MYH13: variants seen among roughly 807,000 people sequenced by gnomAD.
MYH13 encodes the protein myosin-13.
In MYH13, 177 loss-of-function variants were observed where a neutral mutation model predicts 232.1. The ratio of observed to expected loss-of-function variants is 0.76; its 90% confidence interval spans 0.67 to 0.86. The LOEUF (loss-of-function observed/expected upper bound fraction) is 0.86, where lower values mean the gene tolerates loss of function less well. MYH13 is among the 40% of genes least tolerant of loss of function. The pLI is 0.00. For missense variants in MYH13, 2,246 were observed against 2,405.9 expected, an observed-to-expected ratio of 0.93 and a Z score of 1.39; for synonymous variants, 884 against 923.5, an observed-to-expected ratio of 0.96 and a Z score of 0.78.
chr17:10,301,186 C>T (rs1222840345), intron 40 of MYH13, among the ~76,000 whole-genome samples: 2 of 152,178 alleles, frequency 1.3e-5, no homozygotes, highest in Admixed American at 6.5e-5. Context: ...TCTGTAGCAA[C>T]AGGGACAGAC....
Position 10,303,130 on chromosome 17 carries a change from G to A in MYH13, c.5667+66C>T, listed in dbSNP as rs1001862159. On this transcript the variant is annotated intron_variant, in intron 39 of 40. Coordinates refer to ENST00000252172, the MANE Select transcript of MYH13 (RefSeq NM_003802.3). ...AGGGGACTTTACCAACCAGGATGGC[G>A]GGGACACCCAGGATGCCCCAGGGAC... The A allele has an allele frequency of 4.8e-5, 68 of 1,424,338 alleles. 1 individual carries two copies. The highest frequency in any genetic ancestry group is 2.4e-4 in the South Asian group (20 of 83,792). The allele number at this position is 1,424,338 out of a possible 1,614,324, so 88.2% of individuals were successfully genotyped here.
chr17:10,366,542 G>A (rs1050037625), intron 2 of MYH13, among the ~76,000 whole-genome samples: 2 of 151,610 alleles, frequency 1.3e-5, no homozygotes, highest in Admixed American at 6.6e-5. Context: ...CACCACACCC[G>A]GCTAATTTTT....
rs796765349 is a variant in MYH13 at position 10,351,234 on chromosome 17, A to AAAAAAAAAAAAAAAAAAAG, written c.1006-541_1006-540insCTTTTTTTTTTTTTTTTTT. Among the ~76,000 whole-genome samples the AAAAAAAAAAAAAAAAAAAG allele has an allele frequency of 4.7e-5, 7 of 150,288 alleles. No homozygotes were observed. The East Asian group carries it at 6.0e-4, about 13-fold the overall frequency. On this transcript the variant is annotated intron_variant, in intron 11 of 40. Transcript: ENST00000252172. ...AGACTCCATCTCAAAAAAAAAAAAA[A>AAAAAAAAAAAAAAAAAAAG]AGAGAACTGATTATGATCTTTTCTC...
intron 24 of MYH13, 133 bp downstream of exon 24, chr17:10,321,399 G>A: frequency 1.2e-6 from 1 of 858,538 alleles, no homozygotes; most frequent in Non-Finnish European, 1.7e-6. Flanking sequence ...GGGTCAGGGT[G>A]GGGCTGAGAT....
intron 23 of MYH13, among the ~76,000 whole-genome samples, chr17:10,322,171 T>C (rs558437109): frequency 3.3e-5 from 5 of 151,902 alleles, no homozygotes; most frequent in Admixed American, 6.6e-5. Context: ...GGCGGACGGA[T>C]CATGAGGTCA....
intron 27 of MYH13, among the ~76,000 whole-genome samples, 157 bp from the exon 28 acceptor site, chr17:10,316,182 C>T (rs1906705256): frequency 6.6e-6 from 1 of 152,140 alleles, no homozygotes; most frequent in Non-Finnish European, 1.5e-5. Flanking sequence ...CATAATCGGC[C>T]AGGCGCAGTG....
rs61543278 is a variant in MYH13, at chr17:10,326,981, G to GTTTTTTTTTTTTTTTTTTTTTTTTTTT, written c.2691+858_2691+884dup. ...GAGACATGCACCACCATGCCTACTAGTTTTTTTTTTTTTTTTTTTTTTTTT... is the reference window on the plus strand; with the variant it reads ...GAGACATGCACCACCATGCCTACTAGTTTTTTTTTTTTTTTTTTTTTTTTTTTTTTTTTTTTTTTTTTTTTTTTTTTT... On this transcript the variant is annotated intron_variant, in intron 22 of 40. Transcript: ENST00000252172. Among the ~76,000 whole-genome samples the GTTTTTTTTTTTTTTTTTTTTTTTTTTT allele has an allele frequency of 3.6e-5, 2 of 55,810 alleles. 1 individual carries two copies. Among genetic ancestry groups the GTTTTTTTTTTTTTTTTTTTTTTTTTTT allele is most frequent in the African/African-American group, 1.6e-4 (2 of 12,822 alleles). The allele number at this position is 55,810 out of a possible 152,430, so 36.6% of individuals were successfully genotyped here.
Position 10,358,615 on chromosome 17 carries a change from G to C in MYH13, c.646-788C>G, listed in dbSNP as rs539456678. On this transcript the variant is annotated intron_variant, in intron 7 of 40. Transcript: ENST00000252172. ...TCTACAAAAAATTAAAAAAAAACTA[G>C]CCAGGCATGGTGGTTCCTGTAGTCT... 1.1e-4 allele frequency among the ~76,000 whole-genome samples: 16 copies of C among 152,128 alleles called. No individual in the cohort carries two copies. In the South Asian group the frequency reaches 3.3e-3, roughly 32 times the overall value.
Position 10,369,760 on chromosome 17 carries a change from A to G in MYH13, c.-13+1449T>C, listed in dbSNP as rs368065005. On this transcript the variant is annotated intron_variant, in intron 2 of 40. Transcript: ENST00000252172. ...AGTATCTCCTAGTAGTATTACCTAG[A>G]TGATGTTTGAGTTATCCCTCCATAT... Among the ~76,000 whole-genome samples, 5 of 152,218 alleles carry G rather than the reference A, an allele frequency of 3.3e-5. No individual in the cohort carries two copies. The South Asian group carries it at 1.0e-3, about 32-fold the overall frequency.
chr17:10,332,045 A>G, intron 20 of MYH13, 54 bp downstream of exon 20: 1 of 1,597,626 alleles, frequency 6.3e-7, no homozygotes, highest in Non-Finnish European at 8.6e-7. Context: ...TCAGCTAAGA[A>G]GCAGCCCAGG....
At position 10,318,785 on chromosome 17, in the gene MYH13, G is replaced by T; in HGVS notation, c.3738+5C>A. ...TCTCCAAGAGCAGAAGGGCCAGTCA[G>T]GTACCTTTGACTTGGAGAGAGCCTC... On this transcript the variant is annotated splice_donor_5th_base_variant and intron_variant, in intron 27 of 40. Transcript: ENST00000252172. 1 of 1,613,962 alleles carries T rather than the reference G, an allele frequency of 6.2e-7. No individual in the cohort carries two copies. Among genetic ancestry groups the T allele is most frequent in the South Asian group, 1.1e-5 (1 of 91,070 alleles).
At position 10,332,219 on chromosome 17, in the gene MYH13, G is replaced by T. The variant is rs1185269713; in HGVS notation, c.2178C>A (p.Tyr726Ter). 3.1e-6 allele frequency: 5 copies of T among 1,613,664 alleles called. No homozygotes were observed. Among genetic ancestry groups the T allele is most frequent in the Non-Finnish European group, 4.2e-6 (5 of 1,179,748 alleles). Residue 726 changes from tyrosine (Y) to a stop codon, truncating the protein, a stop_gained, in exon 20 of 41, where the codon TAC becomes TAA. Coordinates refer to ENST00000252172, the MANE Select transcript of MYH13 (RefSeq NM_003802.3). LOFTEE classifies it high-confidence loss of function. ...GGATAGCACTGGCATTGAGGATCCG[G>T]TACCTAAGGAGAGAGGACATTTCCC... is the stretch of plus-strand genomic sequence containing the variant. ...RILYADFKQR[Y>*]RILNASAIPE...
chr17:10,305,455 TA>T (rs534874454), intron 37 of MYH13, among the ~76,000 whole-genome samples: 3 of 152,194 alleles, frequency 2.0e-5, no homozygotes, highest in Non-Finnish European at 2.9e-5. Context: ...AGCACCTCCC[TA>T]AAAAAAATCC....
At chr17:10,364,943 T>C (rs1477408921) in intron 2 of MYH13, among the ~76,000 whole-genome samples, 1 of 152,060 alleles carries the variant, frequency 6.6e-6, no homozygotes, top group Non-Finnish European at 1.5e-5. Context: ...TGGCTCGATC[T>C]CGGCTCTGCA....
At chr17:10,337,891 A>C (rs916921518) in intron 18 of MYH13, among the ~76,000 whole-genome samples, 1 of 152,164 alleles carries the variant, frequency 6.6e-6, no homozygotes, top group African/African-American at 2.4e-5. Flanking sequence ...CATCTCTACT[A>C]AAAGTACAAA....
At chr17:10,344,296 C>G (rs1262753445) in intron 15 of MYH13, among the ~76,000 whole-genome samples, 187 bp from the exon 16 acceptor site, 1 of 152,006 alleles carries the variant, frequency 6.6e-6, no homozygotes, top group African/African-American at 2.4e-5. Flanking sequence ...AGAGTATGTG[C>G]TTAATTAATA....
At position 10,324,756 on chromosome 17, in the gene MYH13, GTTTTTTTTTT is replaced by G. The variant is rs56757162; in HGVS notation, c.2692-502_2692-493del. Reference sequence around the variant, plus strand: ...GTCACTGCACCTGGTCCATATACATGTTTTTTTTTTTTTTTTTTTTTTTTAACTAGCAAGA... The same window carrying G: ...GTCACTGCACCTGGTCCATATACATGTTTTTTTTTTTTTTAACTAGCAAGA... On this transcript the variant is annotated intron_variant, in intron 22 of 40. Transcript: ENST00000252172. 431 of 107,746 alleles carry G rather than the reference GTTTTTTTTTT, an allele frequency of 4.0e-3. 3 individuals carry two copies. The highest frequency in any genetic ancestry group is 0.013 in the African/African-American group (327 of 24,408). 6.7% of individuals were successfully genotyped at this position (107,746 alleles called of 1,614,324 possible). A position where few individuals can be genotyped will look rare whatever the true frequency, so the allele number is the denominator to read the frequency against.
chr17:10,371,133 A>G (rs2071874807), intron 2 of MYH13, 76 bp downstream of exon 2: 1 of 152,240 alleles, frequency 6.6e-6, no homozygotes, highest in Non-Finnish European at 1.5e-5. Context: ...TGAGTGTGGC[A>G]AGAATGAGAA....
intron 20 of MYH13, among the ~76,000 whole-genome samples, chr17:10,330,895 T>A (rs1907388085): frequency 6.6e-6 from 1 of 152,040 alleles, no homozygotes; most frequent in African/African-American, 2.4e-5. Flanking sequence ...TGGGGACCTG[T>A]AATCCCAGAT....
Sources: gnomAD v4.1 joint callset for allele counts (sites outside exome capture counted in the v4.1 genomes callset) on GRCh38, gnomAD v4.1.1 for gene constraint, MANE v1.5 for transcripts, NCBI Gene and HGNC (gene_info 2026-07-23, HGNC 2026-07-21) for gene names.